The following DLG2 variants were observed in gnomAD, a reference collection of about 807,000 sequenced individuals.
DLG2 encodes the protein discs large MAGUK scaffold protein 2, also known as disks large homolog 2.
DLG2 carries 45 observed loss-of-function variants against 132.5 expected under a neutral mutation model. The ratio of observed to expected loss-of-function variants is 0.34; its 90% confidence interval spans 0.27 to 0.44. The LOEUF (loss-of-function observed/expected upper bound fraction) is 0.44, where lower values mean the gene tolerates loss of function less well. DLG2 is among the 20% of genes least tolerant of loss of function. The probability of loss-of-function intolerance (pLI) is 1.00; values close to 1 mark genes in which losing one functional copy is unlikely to be tolerated. For missense variants in DLG2, 1,045 were observed against 1,196.9 expected, an observed-to-expected ratio of 0.87 and a Z score of 1.87; for synonymous variants, 424 against 419.6, an observed-to-expected ratio of 1.01 and a Z score of -0.13.
At chr11:83,987,393 A>T (rs1159710020) in intron 11 of DLG2, among the ~76,000 whole-genome samples, 1 of 152,192 alleles carries the variant, frequency 6.6e-6, no homozygotes, top group Non-Finnish European at 1.5e-5. Context: ...CGCCAAGGCA[A>T]TCCTAAGCCA....
At chr11:84,327,955 G>A (rs1436832322) in intron 7 of DLG2, among the ~76,000 whole-genome samples, 1 of 152,104 alleles carries the variant, frequency 6.6e-6, no homozygotes, top group Admixed American at 6.6e-5. Flanking sequence ...TAAATGATAG[G>A]ATGGCTTTTG....
At chr11:85,413,549 A>T (rs936939492) in intron 3 of DLG2, among the ~76,000 whole-genome samples, 2 of 152,038 alleles carry the variant, frequency 1.3e-5, no homozygotes, top group Non-Finnish European at 2.9e-5. Flanking sequence ...CTTAGATTTA[A>T]GTCCTTAATC....
At chr11:84,687,675 T>C (rs773080451) in intron 6 of DLG2, among the ~76,000 whole-genome samples, 21 of 152,196 alleles carry the variant, frequency 1.4e-4, no homozygotes, top group Non-Finnish European at 2.2e-4. Context: ...TGAAATATTT[T>C]TGAATGACTA....
intron 18 of DLG2, among the ~76,000 whole-genome samples, chr11:83,775,258 C>T (rs1183973472): frequency 6.6e-6 from 1 of 152,162 alleles, no homozygotes; most frequent in Admixed American, 6.5e-5. Context: ...CCATTCCAAA[C>T]TATTTTATTT....
At chr11:84,667,050 A>G (rs1278209245) in intron 6 of DLG2, among the ~76,000 whole-genome samples, 1 of 152,128 alleles carries the variant, frequency 6.6e-6, no homozygotes, top group Non-Finnish European at 1.5e-5. Flanking sequence ...TGACTTATTT[A>G]TTGATGAGAA....
chr11:85,194,086 T>C (rs2080847703), intron 4 of DLG2, among the ~76,000 whole-genome samples: 2 of 152,200 alleles, frequency 1.3e-5, no homozygotes, highest in South Asian at 2.1e-4. Context: ...GCTTAGGTCA[T>C]GGGGATGAGA....
chr11:84,509,874 G>A (rs1288584036), intron 7 of DLG2, among the ~76,000 whole-genome samples: 11 of 151,874 alleles, frequency 7.2e-5, no homozygotes, highest in Non-Finnish European at 1.3e-4. Flanking sequence ...TAATCAGAAG[G>A]AGATAATTGA....
In DLG2 at chr11:85,242,154, T is replaced by C. The variant is rs577909155; in HGVS notation, c.186+43066A>G. Among the ~76,000 whole-genome samples, 14 of 152,086 alleles carry C rather than the reference T, an allele frequency of 9.2e-5. 1 individual carries two copies. The highest frequency in any genetic ancestry group is 3.4e-4 in the African/African-American group (14 of 41,558). ...GGAGAATAAATGGATTATAGGCCAG[T>C]GCTTTAAATTCTTCATCCTCAATTC... On this transcript the variant is annotated intron_variant, in intron 4 of 27. Transcript: ENST00000376104.
intron 3 of DLG2, among the ~76,000 whole-genome samples, chr11:85,534,486 G>C (rs1471296316): frequency 6.6e-6 from 1 of 151,894 alleles, no homozygotes; most frequent in Non-Finnish European, 1.5e-5. Flanking sequence ...TTCAGCCCTT[G>C]CCCCACTCCC....
At chr11:85,512,917 A>T (rs1476234630) in intron 3 of DLG2, among the ~76,000 whole-genome samples, 3 of 152,162 alleles carry the variant, frequency 2.0e-5, no homozygotes, top group Non-Finnish European at 2.9e-5. Flanking sequence ...CACTATTCAC[A>T]ACAGCAAAAA....
chr11:84,612,322 G>A (rs2099596893), intron 6 of DLG2, among the ~76,000 whole-genome samples: 1 of 151,692 alleles, frequency 6.6e-6, no homozygotes, highest in East Asian at 1.9e-4. Context: ...TTTTTCAGTA[G>A]AACCTGTTGA....
intron 3 of DLG2, among the ~76,000 whole-genome samples, chr11:85,550,510 T>C (rs1022994945): frequency 1.3e-5 from 2 of 152,112 alleles, no homozygotes; most frequent in Admixed American, 1.3e-4. Flanking sequence ...ATCCCCCTGG[T>C]GCCACTGGTG....
At position 84,305,673 on chromosome 11, in the gene DLG2, T is replaced by A. The variant is rs1245236142; in HGVS notation, c.520-54382A>T. Among the ~76,000 whole-genome samples, 4 of 152,260 alleles carry A rather than the reference T, an allele frequency of 2.6e-5. No individual in the cohort carries two copies. The East Asian group carries it at 5.8e-4, about 22-fold the overall frequency. On this transcript the variant is annotated intron_variant, in intron 7 of 27. Coordinates refer to ENST00000376104, the MANE Select transcript of DLG2 (RefSeq NM_001142699.3). The stretch of plus-strand genomic sequence containing the variant: ...TGGAATTCCTTCTCATGAGAAGGCA[T>A]ATATTTGATTTCTAGCACTCTAAAA...
At position 83,584,331 on chromosome 11, in the gene DLG2, G is replaced by A. The variant is rs537702989; in HGVS notation, c.1941-42473C>T. On this transcript the variant is annotated intron_variant, in intron 19 of 27. Transcript: ENST00000376104. The stretch of plus-strand genomic sequence containing the variant: ...AAATATGTTCGGTAATGTTTGTTAT[G>A]ATGTAAAGGAGTTGATAGCCCAGTT... Among the ~76,000 whole-genome samples the A allele has an allele frequency of 1.4e-4, 21 of 152,248 alleles. No homozygotes were observed. The South Asian group carries it at 1.5e-3, about 11-fold the overall frequency.
At chr11:85,209,588 C>G (rs2082123933) in intron 4 of DLG2, among the ~76,000 whole-genome samples, 1 of 95,828 alleles carries the variant, frequency 1.0e-5, no homozygotes, top group South Asian at 3.5e-4. Context: ...CTACCACACC[C>G]AGCTAACTTT....
intron 27 of DLG2, among the ~76,000 whole-genome samples, chr11:83,460,940 T>C (rs950253462): frequency 2.0e-5 from 3 of 149,110 alleles, no homozygotes. Flanking sequence ...ATATTCTGAA[T>C]AAGGTAAAAA....
chr11:85,540,632 C>T (rs893488498), intron 3 of DLG2, among the ~76,000 whole-genome samples: 4 of 152,212 alleles, frequency 2.6e-5, no homozygotes, highest in Admixed American at 2.6e-4. Context: ...AGCCCTCTGT[C>T]CTTGTGATAA....
chr11:83,772,896 T>C (rs542712557), intron 18 of DLG2, among the ~76,000 whole-genome samples: 5 of 152,214 alleles, frequency 3.3e-5, no homozygotes, highest in South Asian at 2.1e-4. Context: ...AAGAAGAAAT[T>C]GGGATCAATG....
chr11:84,944,303 CT>C (rs2154098951), intron 6 of DLG2, among the ~76,000 whole-genome samples: 1 of 152,236 alleles, frequency 6.6e-6, no homozygotes, highest in East Asian at 1.9e-4. Context: ...GTTATTATCC[CT>C]TCAAATAAAC....
Sources: gnomAD v4.1 joint callset for allele counts (sites outside exome capture counted in the v4.1 genomes callset) on GRCh38, gnomAD v4.1.1 for gene constraint, MANE v1.5 for transcripts, NCBI Gene and HGNC (gene_info 2026-07-23, HGNC 2026-07-21) for gene names.